GNAI1: variants seen among roughly 807,000 people sequenced by gnomAD.
GNAI1 encodes the protein guanine nucleotide-binding protein G(i) subunit alpha-1.
GNAI1 carries 11 observed loss-of-function variants against 38.9 expected under a neutral mutation model. The ratio of observed to expected loss-of-function variants is 0.28; its 90% confidence interval spans 0.18 to 0.47. GNAI1 has a LOEUF of 0.47. Ranked by LOEUF, GNAI1 falls within the 20% of genes least tolerant of loss-of-function variation. The probability of loss-of-function intolerance (pLI) is 0.99; values close to 1 mark genes in which losing one functional copy is unlikely to be tolerated. For synonymous variants in GNAI1, 166 were observed against 145.1 expected (o/e 1.14, Z -1.04); for missense variants, 317 against 436.9 (o/e 0.73, Z 2.45).
rs933809655 is a variant in GNAI1, at chr7:80,135,020, C to G, written c.-141C>G. 5 of 455,364 alleles carry G rather than the reference C, an allele frequency of 1.1e-5. No individual in the cohort carries two copies. The highest frequency in any genetic ancestry group is 8.1e-5 in the African/African-American group (4 of 49,232). 28.2% of individuals were successfully genotyped at this position (455,364 alleles called of 1,614,324 possible). A position where few individuals can be genotyped will look rare whatever the true frequency, so the allele number is the denominator to read the frequency against. On this transcript the variant is annotated 5_prime_UTR_variant, in exon 1 of 8. Coordinates refer to ENST00000649796, the MANE Select transcript of GNAI1 (RefSeq NM_002069.6). ...TTTGCGGACAGCGTCTCCCTCGACT[C>G]CGCTTAGGAAGTGGTGGGGGCGGCG...
At chr7:80,143,807 ATACT>A (rs1262943228) in intron 1 of GNAI1, among the ~76,000 whole-genome samples, 1 of 152,184 alleles carries the variant, frequency 6.6e-6, no homozygotes, top group Non-Finnish European at 1.5e-5. Context: ...ATTATTATAA[ATACT>A]TCAGAGACTC....
chr7:80,153,148 A>T (rs1314028890), intron 1 of GNAI1, among the ~76,000 whole-genome samples: 1 of 152,216 alleles, frequency 6.6e-6, no homozygotes, highest in Non-Finnish European at 1.5e-5. Flanking sequence ...TATCATTGAC[A>T]GGCCAGCCCC....
At chr7:80,160,529 A>G (rs73378647) in intron 1 of GNAI1, among the ~76,000 whole-genome samples, 4,423 of 152,240 alleles carry the variant, frequency 0.029, 113 homozygotes, top group African/African-American at 0.073. Context: ...GAATTGACCA[A>G]GCAGCTTTCA....
intron 1 of GNAI1, among the ~76,000 whole-genome samples, chr7:80,185,681 C>T (rs902550735): frequency 6.6e-6 from 1 of 152,162 alleles, no homozygotes; most frequent in Non-Finnish European, 1.5e-5. Context: ...AGCATATTGA[C>T]TTGGCATGCA....
At position 80,221,075 on chromosome 7, in the gene GNAI1, C is replaced by T. The variant is rs1027792225; in HGVS notation, c.*3582C>T. 5.9e-5 allele frequency among the ~76,000 whole-genome samples: 9 copies of T among 152,122 alleles called. No homozygotes were observed. Among genetic ancestry groups the T allele is most frequent in the Non-Finnish European group, 1.2e-4 (8 of 68,018 alleles). ...TTAGTTGATACTGTAATCATTATTA[C>T]AGATGGTAGCATCATCATTGCTTAG... is the stretch of plus-strand genomic sequence containing the variant. On this transcript the variant is annotated 3_prime_UTR_variant, in exon 8 of 8. Coordinates refer to ENST00000649796, the MANE Select transcript of GNAI1 (RefSeq NM_002069.6).
At chr7:80,145,544 T>G (rs1018195521) in intron 1 of GNAI1, among the ~76,000 whole-genome samples, 3 of 152,228 alleles carry the variant, frequency 2.0e-5, no homozygotes, top group African/African-American at 7.2e-5. Flanking sequence ...ATTAATAGAT[T>G]GAGCTTTACA....
chr7:80,197,373 C>G (rs1417488726), intron 3 of GNAI1, among the ~76,000 whole-genome samples: 1 of 151,696 alleles, frequency 6.6e-6, no homozygotes, highest in Non-Finnish European at 1.5e-5. Context: ...AGGCCTATTC[C>G]TGGAAAGTTT....
At chr7:80,137,796 C>T (rs1276938665) in intron 1 of GNAI1, among the ~76,000 whole-genome samples, 2 of 152,216 alleles carry the variant, frequency 1.3e-5, no homozygotes, top group African/African-American at 2.4e-5. Flanking sequence ...CAGCACTCTC[C>T]TCTGTCTTAT....
chr7:80,144,841 C>A (rs2116081829), intron 1 of GNAI1, among the ~76,000 whole-genome samples: 1 of 152,248 alleles, frequency 6.6e-6, no homozygotes, highest in Non-Finnish European at 1.5e-5. Flanking sequence ...TGAAATTGAT[C>A]CATGTATACT....
intron 1 of GNAI1, 59 bp downstream of exon 1, chr7:80,135,337 G>C: frequency 3.9e-6 from 4 of 1,030,620 alleles, no homozygotes; most frequent in Non-Finnish European, 5.2e-6. Flanking sequence ...GGCGCTGCGC[G>C]GCCCTCGGCG....
chr7:80,211,124 A>G, intron 6 of GNAI1, 26 bp downstream of exon 6: 1 of 1,604,696 alleles, frequency 6.2e-7, no homozygotes, highest in Non-Finnish European at 8.5e-7. Flanking sequence ...TTAAGAGTTG[A>G]GCTTGAAACA....
chr7:80,174,956 A>C (rs775039363), intron 1 of GNAI1, among the ~76,000 whole-genome samples: 6 of 152,208 alleles, frequency 3.9e-5, no homozygotes, highest in Non-Finnish European at 8.8e-5. Context: ...ATAAATATAT[A>C]TCTCTTTAAT....
At chr7:80,198,765 T>G (rs1788627152) in intron 3 of GNAI1, among the ~76,000 whole-genome samples, 1 of 152,180 alleles carries the variant, frequency 6.6e-6, no homozygotes, top group Non-Finnish European at 1.5e-5. Flanking sequence ...ACTTTGCAAC[T>G]ATAAGGTATA....
chr7:80,176,100 T>TCTTGAAGGAAATTAAAAGTG (rs1788177870), intron 1 of GNAI1, among the ~76,000 whole-genome samples: 1 of 152,242 alleles, frequency 6.6e-6, no homozygotes, highest in African/African-American at 2.4e-5. Flanking sequence ...AAGGAAAAGT[T>TCTTGAAGGAAATTAAAAGTG]CTTGAAGGAA....
intron 1 of GNAI1, among the ~76,000 whole-genome samples, chr7:80,174,075 G>C (rs1350048661): frequency 4.6e-5 from 7 of 152,172 alleles, no homozygotes; most frequent in Admixed American, 2.0e-4. Context: ...CTTCGACTAG[G>C]AGTGAGATTT....
intron 1 of GNAI1, among the ~76,000 whole-genome samples, chr7:80,142,149 A>G (rs1584002221): frequency 6.6e-6 from 1 of 152,138 alleles, no homozygotes; most frequent in African/African-American, 2.4e-5. Flanking sequence ...TATGCTTCTC[A>G]AAATTCTTTT....
intron 1 of GNAI1, among the ~76,000 whole-genome samples, chr7:80,143,482 A>T (rs1401048018): frequency 6.6e-6 from 1 of 152,160 alleles, no homozygotes; most frequent in African/African-American, 2.4e-5. Flanking sequence ...TATAATGTAG[A>T]AGAGACTTTG....
rs555838739 is a variant in GNAI1, at chr7:80,219,830, T to C, written c.*2337T>C. Among the ~76,000 whole-genome samples, 129 of 152,308 alleles carry C rather than the reference T, an allele frequency of 8.5e-4. No individual in the cohort carries two copies. Among genetic ancestry groups the C allele is most frequent in the Middle Eastern group, 6.8e-3 (2 of 294 alleles). On this transcript the variant is annotated 3_prime_UTR_variant, in exon 8 of 8. Coordinates refer to ENST00000649796, the MANE Select transcript of GNAI1 (RefSeq NM_002069.6). ...CACCTATCAACCTGTCATCTAAGTT[T>C]TAAGCCCTGCATGCATTAGGTGGAA...
At chr7:80,205,989 A>T (rs1303573741) in intron 5 of GNAI1, among the ~76,000 whole-genome samples, 1 of 151,960 alleles carries the variant, frequency 6.6e-6, no homozygotes, top group South Asian at 2.1e-4. Flanking sequence ...TCTTGGAAAA[A>T]AAGGTTCCTA....
Sources: gnomAD v4.1 joint callset for allele counts (sites outside exome capture counted in the v4.1 genomes callset) on GRCh38, gnomAD v4.1.1 for gene constraint, MANE v1.5 for transcripts, NCBI Gene and HGNC (gene_info 2026-07-23, HGNC 2026-07-21) for gene names.